CFAP54: variants seen among roughly 807,000 people sequenced by gnomAD.
CFAP54 encodes cilia and flagella associated protein 54.
In CFAP54, 290 loss-of-function variants were observed where a neutral mutation model predicts 370.4. The ratio of observed to expected loss-of-function variants is 0.78; its 90% CI spans 0.71 to 0.86. The LOEUF is 0.86. Among genes scored for constraint, CFAP54 ranks in the 40% least tolerant of loss-of-function variants. The probability of loss-of-function intolerance (pLI) is 0.00; values close to 1 mark genes in which losing one functional copy is unlikely to be tolerated. For synonymous variants in CFAP54, 1,206 were observed against 1,236.5 expected, an observed-to-expected ratio of 0.98 and a Z score of 0.52; for missense variants, 3,399 against 3,528.7, an observed-to-expected ratio of 0.96 and a Z score of 0.93.
chr12:96,504,021 G>A lies in CFAP54; in HGVS notation c.559G>A (p.Gly187Arg). Residue 187 changes from glycine to arginine, a missense_variant, in exon 3 of 68, where the codon GGA (glycine) becomes AGA (arginine). Gly to Arg is a moderately radical substitution (Grantham distance 125). This residue lies in a region of CFAP54 where 559 missense variants were observed against 576.7 expected (regional missense o/e 0.97). Transcript: ENST00000524981. ...FPKGFKDKTA[G>R]LTFHALSGKN... is the part of the protein sequence containing the mutation. ...AAAAGGCTTTAAAGATAAAACTGCT[G>A]GACTTACAGTAAGATGAAAGAGCAG... is the stretch of plus-strand genomic sequence containing the variant. 6.6e-7 allele frequency: 1 copy of A among 1,510,050 alleles called. No homozygotes were observed. The highest frequency in any genetic ancestry group is 2.5e-5 in the East Asian group (1 of 40,342). The allele number at this position is 1,510,050 out of a possible 1,614,324, so 93.5% of individuals were successfully genotyped here.
intron 66 of CFAP54, among the ~76,000 whole-genome samples, chr12:96,829,642 C>T (rs773912042): frequency 1.3e-4 from 19 of 151,732 alleles, no homozygotes; most frequent in Middle Eastern, 3.2e-3. Context: ...TTCTGTATTA[C>T]CTCTTCAGAA....
At chr12:96,671,590 T>G (rs1957146496) in intron 39 of CFAP54, among the ~76,000 whole-genome samples, 1 of 152,098 alleles carries the variant, frequency 6.6e-6, no homozygotes, top group Non-Finnish European at 1.5e-5. Context: ...GTATTTTGAG[T>G]GGTGCATGCA....
At chr12:96,777,594 C>T (rs1237407517) in intron 60 of CFAP54, among the ~76,000 whole-genome samples, 2 of 152,076 alleles carry the variant, frequency 1.3e-5, no homozygotes, top group Non-Finnish European at 1.5e-5. Context: ...GGAGATCCAC[C>T]CACCTCGGCC....
intron 12 of CFAP54, among the ~76,000 whole-genome samples, chr12:96,537,319 G>A (rs1955517021): frequency 6.6e-6 from 1 of 151,816 alleles, no homozygotes; most frequent in Non-Finnish European, 1.5e-5. Context: ...CTAGTTACTA[G>A]TTCATCTCCC....
intron 32 of CFAP54, among the ~76,000 whole-genome samples, chr12:96,636,929 C>T (rs554240908): frequency 2.6e-5 from 4 of 152,108 alleles, no homozygotes; most frequent in East Asian, 1.9e-4. Flanking sequence ...CAATTTACCC[C>T]AGTGACATAC....
intron 45 of CFAP54, among the ~76,000 whole-genome samples, chr12:96,699,485 A>G (rs1046734168): frequency 6.6e-6 from 1 of 150,526 alleles, no homozygotes; most frequent in Non-Finnish European, 1.5e-5. Flanking sequence ...CCTGAACTTA[A>G]AATAAAAGTT....
intron 65 of CFAP54, among the ~76,000 whole-genome samples, chr12:96,823,863 C>G (rs1355677887): frequency 6.6e-6 from 1 of 152,126 alleles, no homozygotes; most frequent in African/African-American, 2.4e-5. Context: ...ATGATCCACC[C>G]TATGATTTGC....
At chr12:96,561,744 C>G (rs1190060720) in intron 17 of CFAP54, among the ~76,000 whole-genome samples, 1 of 82,110 alleles carries the variant, frequency 1.2e-5, no homozygotes, top group Non-Finnish European at 2.5e-5. Flanking sequence ...CACACACACA[C>G]ACATGTATAT....
chr12:96,804,055 A>C (rs1958851540), intron 63 of CFAP54, among the ~76,000 whole-genome samples: 2 of 152,108 alleles, frequency 1.3e-5, no homozygotes, highest in Admixed American at 6.6e-5. Context: ...TAAAAAAAAG[A>C]ATTTCTGAAC....
At chr12:96,552,872 G>C (rs987208130) in intron 15 of CFAP54, among the ~76,000 whole-genome samples, 1 of 152,134 alleles carries the variant, frequency 6.6e-6, no homozygotes, top group African/African-American at 2.4e-5. Context: ...TTTTAAATTA[G>C]TCTTCCAATG....
chr12:96,869,117 C>G (rs995426562), intron 67 of CFAP54, among the ~76,000 whole-genome samples: 3 of 152,122 alleles, frequency 2.0e-5, no homozygotes, highest in African/African-American at 7.2e-5. Flanking sequence ...ATATCCATTT[C>G]TGACTAATTA....
chr12:96,851,495 T>C (rs144985289), intron 66 of CFAP54, among the ~76,000 whole-genome samples: 1 of 152,104 alleles, frequency 6.6e-6, no homozygotes, highest in Non-Finnish European at 1.5e-5. Flanking sequence ...ACATAAATAT[T>C]AAGAAATAAC....
intron 20 of CFAP54, 43 bp from the exon 21 acceptor site, chr12:96,580,554 T>C: frequency 8.7e-7 from 1 of 1,142,874 alleles, no homozygotes. Context: ...TACATTGATA[T>C]AAAAGAATGC....
chr12:96,599,445 C>T (rs1369495153), intron 26 of CFAP54, among the ~76,000 whole-genome samples: 4 of 151,910 alleles, frequency 2.6e-5, no homozygotes, highest in African/African-American at 4.8e-5. Flanking sequence ...TGTTTGCTAT[C>T]GTGAATAGTG....
At chr12:96,613,112 T>C (rs1341091556) in intron 26 of CFAP54, among the ~76,000 whole-genome samples, 3 of 152,136 alleles carry the variant, frequency 2.0e-5, no homozygotes, top group Non-Finnish European at 2.9e-5. Flanking sequence ...ATTGACCACA[T>C]AGTTGGAAGT....
rs146507805 is a variant in CFAP54 at position 96,574,581 on chromosome 12, T to TA, written c.2620-1998dup. ...ACTTAAAAAAATCTGTAATGAATGT[T>TA]AAAAAATGTTTGAAATGTCTTTTTG... On this transcript the variant is annotated intron_variant, in intron 19 of 67. Transcript: ENST00000524981. Among the ~76,000 whole-genome samples the TA allele has an allele frequency of 2.6e-5, 4 of 152,126 alleles. No homozygotes were observed. In the East Asian group the frequency reaches 7.7e-4, roughly 29 times the overall value.
chr12:96,583,986 T>C (rs1054372253), intron 22 of CFAP54, among the ~76,000 whole-genome samples: 2 of 152,226 alleles, frequency 1.3e-5, no homozygotes, highest in Non-Finnish European at 2.9e-5. Context: ...TGATCTGTAT[T>C]GGCAGTAGAG....
At chr12:96,771,686 A>G (rs1958464688) in intron 60 of CFAP54, among the ~76,000 whole-genome samples, 1 of 152,084 alleles carries the variant, frequency 6.6e-6, no homozygotes, top group Non-Finnish European at 1.5e-5. Context: ...AAACAACAAA[A>G]AAAAACCCCA....
At chr12:96,725,015 G>GAAA (rs2136616301) in intron 50 of CFAP54, among the ~76,000 whole-genome samples, 1 of 152,230 alleles carries the variant, frequency 6.6e-6, no homozygotes, top group South Asian at 2.1e-4. Flanking sequence ...TGAGGGCTCT[G>GAAA]TTCTGTTCCA....
Sources: gnomAD v4.1 joint callset for allele counts (sites outside exome capture counted in the v4.1 genomes callset) on GRCh38, gnomAD v4.1.1 for gene constraint, gnomAD v4.1.1 regional missense constraint, MANE v1.5 for transcripts, NCBI Gene and HGNC (gene_info 2026-07-23, HGNC 2026-07-21) for gene names.